The following GRIK4 variants were observed in gnomAD, a reference collection of about 807,000 sequenced individuals.
GRIK4 encodes the protein glutamate ionotropic receptor kainate type subunit 4, also known as glutamate receptor ionotropic, kainate 4.
A neutral mutation model predicts 104.9 loss-of-function variants in GRIK4; 40 were observed. The observed-to-expected ratio is 0.38, with a 90% CI of 0.30 to 0.50. The LOEUF (loss-of-function observed/expected upper bound fraction) is 0.50, where lower values mean the gene tolerates loss of function less well. Ranked by LOEUF, GRIK4 falls within the 20% of genes least tolerant of loss-of-function variation. GRIK4 has a pLI of 0.93. For synonymous variants in GRIK4, 485 were observed against 524.9 expected (o/e 0.92, Z 1.04); for missense variants, 1,047 against 1,308.1 (o/e 0.80, Z 3.08).
chr11:120,900,476 A>G (rs1237141892), intron 12 of GRIK4, among the ~76,000 whole-genome samples: 1 of 152,166 alleles, frequency 6.6e-6, no homozygotes, highest in Non-Finnish European at 1.5e-5. Flanking sequence ...AACCAAAAAG[A>G]CAAGAATCCC....
intron 11 of GRIK4, among the ~76,000 whole-genome samples, chr11:120,876,494 T>C (rs1297522589): frequency 6.8e-6 from 1 of 147,878 alleles, no homozygotes; most frequent in African/African-American, 2.5e-5. Context: ...TCATCATCAC[T>C]ACCACTGCGA....
intron 8 of GRIK4, chr11:120,858,992 T>C (rs1954190947): frequency 1.3e-5 from 2 of 152,232 alleles, no homozygotes; most frequent in South Asian, 4.1e-4. Context: ...TTCTGGAATC[T>C]TTTTATCTTA....
At position 120,940,054 on chromosome 11, in the gene GRIK4, G is replaced by A. The variant is rs1030824699; in HGVS notation, c.1477-293G>A. On this transcript the variant is annotated intron_variant, in intron 13 of 20. Coordinates refer to ENST00000527524, the MANE Select transcript of GRIK4 (RefSeq NM_014619.5). This position sits in a 1 kb window ranked among gnomAD's most constrained non-coding sequence, Gnocchi z 4.3. ...TTCCTCCTCCCAAGCCCCTACCCTA[G>A]GACACTTTGAGACTGTCTCTGAACA... Among the ~76,000 whole-genome samples the A allele has an allele frequency of 1.3e-5, 2 of 151,840 alleles. No individual in the cohort carries two copies. The highest frequency in any genetic ancestry group is 4.8e-5 in the African/African-American group (2 of 41,326).
At chr11:120,723,677 C>T (rs1332978470) in intron 3 of GRIK4, among the ~76,000 whole-genome samples, 1 of 152,164 alleles carries the variant, frequency 6.6e-6, no homozygotes, top group Non-Finnish European at 1.5e-5. Flanking sequence ...CCATGTTTGC[C>T]TCTAAAACAG....
intron 1 of GRIK4, among the ~76,000 whole-genome samples, chr11:120,534,401 G>A (rs759477854): frequency 6.6e-6 from 1 of 152,256 alleles, no homozygotes; most frequent in East Asian, 1.9e-4. Flanking sequence ...TGGGGCTGGG[G>A]ATTTTGAAAT....
chr11:120,762,537 CTTCCAGCT>C (rs1452279827), intron 3 of GRIK4, among the ~76,000 whole-genome samples: 1 of 152,174 alleles, frequency 6.6e-6, no homozygotes, highest in Non-Finnish European at 1.5e-5. Context: ...AAAGGGAATG[CTTCCAGCT>C]TTTGCCCATT....
chr11:120,526,128 C>G (rs532110373), intron 1 of GRIK4, among the ~76,000 whole-genome samples: 3 of 152,184 alleles, frequency 2.0e-5, no homozygotes, highest in Non-Finnish European at 2.9e-5. Flanking sequence ...CTCTAGAATA[C>G]TGATAATGCT....
chr11:120,784,799 G>T (rs1326950402), intron 3 of GRIK4, among the ~76,000 whole-genome samples: 1 of 151,822 alleles, frequency 6.6e-6, no homozygotes, highest in African/African-American at 2.4e-5. Context: ...TCCCTCCCCT[G>T]CCCCACCACC....
chr11:120,973,964 A>G (rs915203356), intron 19 of GRIK4, among the ~76,000 whole-genome samples: 9 of 151,900 alleles, frequency 5.9e-5, no homozygotes, highest in African/African-American at 1.7e-4. Context: ...CTGGAGTGCA[A>G]TGGCACAATC....
At chr11:120,742,093 C>T (rs1195150633) in intron 3 of GRIK4, among the ~76,000 whole-genome samples, 1 of 152,116 alleles carries the variant, frequency 6.6e-6, no homozygotes, top group Non-Finnish European at 1.5e-5. Context: ...TGCCTGTAAT[C>T]CCAGCATTTT....
At chr11:120,757,415 G>A (rs1372360534) in intron 3 of GRIK4, among the ~76,000 whole-genome samples, 1 of 152,218 alleles carries the variant, frequency 6.6e-6, no homozygotes, top group African/African-American at 2.4e-5. Flanking sequence ...TCTGTGAAAT[G>A]TGGGTGATAG....
At chr11:120,536,837 C>T (rs1272842244) in intron 1 of GRIK4, among the ~76,000 whole-genome samples, 1 of 152,204 alleles carries the variant, frequency 6.6e-6, no homozygotes, top group African/African-American at 2.4e-5. Context: ...TCTAAAAAGT[C>T]AATTACGTAA....
At chr11:120,829,170 C>T (rs982820876) in intron 6 of GRIK4, among the ~76,000 whole-genome samples, 2 of 152,152 alleles carry the variant, frequency 1.3e-5, no homozygotes, top group Non-Finnish European at 2.9e-5. Context: ...AGCTGTGGGG[C>T]ACCCTCACCC....
chr11:120,885,792 A>G (rs1217022731), intron 11 of GRIK4, among the ~76,000 whole-genome samples: 3 of 152,346 alleles, frequency 2.0e-5, no homozygotes, highest in Admixed American at 2.0e-4. Flanking sequence ...ACCATGAGCT[A>G]GGTGGGAAGT....
At chr11:120,759,708 G>T (rs1467016900) in intron 3 of GRIK4, among the ~76,000 whole-genome samples, 1 of 151,948 alleles carries the variant, frequency 6.6e-6, no homozygotes, top group African/African-American at 2.4e-5. Flanking sequence ...AAGGGAAATG[G>T]GATTACTGTG....
chr11:120,719,128 GA>G (rs1950888260), intron 3 of GRIK4, among the ~76,000 whole-genome samples: 1 of 150,224 alleles, frequency 6.7e-6, no homozygotes, highest in South Asian at 2.1e-4. Context: ...AAATAAACAA[GA>G]TTTTAAAGAA....
chr11:120,860,109 A>G (rs1954221775), intron 8 of GRIK4, among the ~76,000 whole-genome samples: 1 of 152,224 alleles, frequency 6.6e-6, no homozygotes, highest in Non-Finnish European at 1.5e-5. Flanking sequence ...GGCACTTGCC[A>G]TCTGTCATGT....
At chr11:120,772,841 GT>G (rs921449831) in intron 3 of GRIK4, among the ~76,000 whole-genome samples, 16 of 151,972 alleles carry the variant, frequency 1.1e-4, no homozygotes, top group Admixed American at 2.0e-4. Context: ...GTGGGTCCAA[GT>G]GCTGGTGCAT....
chr11:120,889,335 C>G, intron 11 of GRIK4, among the ~76,000 whole-genome samples: 1 of 152,110 alleles, frequency 6.6e-6, no homozygotes, highest in East Asian at 1.9e-4. Context: ...CTAACAATCT[C>G]AGTTTATTCC....
Sources: gnomAD v4.1 joint callset for allele counts (sites outside exome capture counted in the v4.1 genomes callset) on GRCh38, gnomAD v4.1.1 for gene constraint, Gnocchi (gnomAD v3.1) non-coding constraint, MANE v1.5 for transcripts, NCBI Gene and HGNC (gene_info 2026-07-23, HGNC 2026-07-21) for gene names.